Variants in SORCS1 observed in about 807,000 individuals in gnomAD.
The protein encoded by SORCS1 is sortilin related VPS10 domain containing receptor 1.
A neutral mutation model predicts 146.1 loss-of-function variants in SORCS1; 60 were observed. The ratio of observed to expected loss-of-function variants is 0.41; its 90% CI spans 0.33 to 0.51. SORCS1 has a LOEUF of 0.51. SORCS1 is among the 20% of genes least tolerant of loss of function. The pLI, the probability that SORCS1 is intolerant of heterozygous loss-of-function variation, is 0.21. For missense variants in SORCS1, 1,352 were observed against 1,487.6 expected (o/e 0.91, Z 1.50); for synonymous variants, 637 against 584.0 (o/e 1.09, Z -1.31).
the SORCS1 span, among the ~76,000 whole-genome samples, chr10:107,176,327 C>CTCTT: frequency 0.75 from 109,975 of 146,238 alleles, 42,173 homozygotes; most frequent in Middle Eastern, 0.86. Context: ...CTCTCTCTCT[C>CTCTT]TCTTTCTTTT....
chr10:106,613,755 C>T (rs577121636), intron 21 of SORCS1, among the ~76,000 whole-genome samples: 1 of 152,320 alleles, frequency 6.6e-6, no homozygotes, highest in Non-Finnish European at 1.5e-5. Flanking sequence ...CTTACCACAG[C>T]CTTCCTGGCC....
chr10:106,799,411 A>G (rs1216986946), intron 3 of SORCS1, among the ~76,000 whole-genome samples: 1 of 152,226 alleles, frequency 6.6e-6, no homozygotes, highest in Non-Finnish European at 1.5e-5. Context: ...GCTTCTGCAC[A>G]GCCAAAGAAA....
At chr10:107,035,262 CAAAAA>C (rs201009614) in intron 1 of SORCS1, among the ~76,000 whole-genome samples, 1 of 28,370 alleles carries the variant, frequency 3.5e-5, no homozygotes, top group Non-Finnish European at 7.5e-5. Flanking sequence ...AGTGAAGCTT[CAAAAA>C]AAAAAAAACA....
At chr10:107,082,943 A>G (rs1477926120) in intron 1 of SORCS1, among the ~76,000 whole-genome samples, 1 of 151,886 alleles carries the variant, frequency 6.6e-6, no homozygotes, top group Non-Finnish European at 1.5e-5. Flanking sequence ...CGTCTCTAGA[A>G]AAAATACAAA....
chr10:106,888,764 T>A (rs1329036091), intron 2 of SORCS1, among the ~76,000 whole-genome samples: 1 of 152,230 alleles, frequency 6.6e-6, no homozygotes, highest in Non-Finnish European at 1.5e-5. Flanking sequence ...TGAAATGGTA[T>A]CTTATATCCT....
chr10:106,857,592 C>A (rs972582399), intron 2 of SORCS1, among the ~76,000 whole-genome samples: 1 of 152,210 alleles, frequency 6.6e-6, no homozygotes, highest in African/African-American at 2.4e-5. Flanking sequence ...TTGGGTGCAT[C>A]ACAGACTCTG....
chr10:107,093,240 G>C (rs1292715250), intron 1 of SORCS1, among the ~76,000 whole-genome samples: 2 of 152,104 alleles, frequency 1.3e-5, no homozygotes. Flanking sequence ...CACTTCGATT[G>C]ACCGACAGTG....
chr10:106,675,205 AT>A, intron 13 of SORCS1, 49 bp from the exon 14 acceptor site: 1 of 1,396,706 alleles, frequency 7.2e-7, no homozygotes, highest in Non-Finnish European at 1.0e-6. Flanking sequence ...GGAAAAAAAA[AT>A]GTCATTTCAA....
chr10:106,670,855 A>C (rs1313084010), intron 16 of SORCS1, among the ~76,000 whole-genome samples: 1 of 151,912 alleles, frequency 6.6e-6, no homozygotes, highest in South Asian at 2.1e-4. Flanking sequence ...CACTATGCCC[A>C]GCTAATTTTT....
At chr10:107,148,372 A>C (rs549882826) in intron 1 of SORCS1, among the ~76,000 whole-genome samples, 1 of 152,366 alleles carries the variant, frequency 6.6e-6, no homozygotes, top group Admixed American at 6.5e-5. Flanking sequence ...AGCCATAGAC[A>C]ATATGTCAAT....
intron 12 of SORCS1, among the ~76,000 whole-genome samples, chr10:106,678,349 T>G (rs909978452): frequency 1.3e-5 from 2 of 152,200 alleles, no homozygotes; most frequent in Admixed American, 6.5e-5. Flanking sequence ...GAGTTTCTTA[T>G]GCAAATTTCT....
chr10:107,114,348 G>C (rs893455853), intron 1 of SORCS1, among the ~76,000 whole-genome samples: 2 of 152,078 alleles, frequency 1.3e-5, no homozygotes, highest in Non-Finnish European at 2.9e-5. Context: ...CAGAAACCTT[G>C]ATGAACAAAG....
chr10:106,784,591 C>T (rs1394151364), intron 3 of SORCS1, among the ~76,000 whole-genome samples: 2 of 152,126 alleles, frequency 1.3e-5, no homozygotes, highest in Non-Finnish European at 2.9e-5. Flanking sequence ...CATTACAAGT[C>T]CCAAAGTAAC....
chr10:107,019,542 TGAGA>T (rs1335443633), intron 1 of SORCS1, among the ~76,000 whole-genome samples: 1 of 152,218 alleles, frequency 6.6e-6, no homozygotes, highest in Non-Finnish European at 1.5e-5. Context: ...CAGGATCTGC[TGAGA>T]AAGAGAGAGC....
chr10:107,046,168 T>C (rs1959404584), intron 1 of SORCS1, among the ~76,000 whole-genome samples: 1 of 152,078 alleles, frequency 6.6e-6, no homozygotes, highest in Admixed American at 6.6e-5. Context: ...ATGGTCTCAA[T>C]CTCTTGAATT....
At chr10:106,964,708 G>A (rs962343326) in intron 1 of SORCS1, among the ~76,000 whole-genome samples, 3 of 151,870 alleles carry the variant, frequency 2.0e-5, no homozygotes, top group Admixed American at 6.6e-5. Context: ...GGATAGTTTC[G>A]ATCTCCTGAC....
intron 1 of SORCS1, among the ~76,000 whole-genome samples, chr10:107,026,106 G>A (rs1003509936): frequency 1.5e-4 from 23 of 152,164 alleles, no homozygotes; most frequent in African/African-American, 5.3e-4. Flanking sequence ...ATGGAGGTAA[G>A]GAATACATGA....
intron 19 of SORCS1, among the ~76,000 whole-genome samples, chr10:106,628,112 C>T (rs1210218313): frequency 6.6e-6 from 1 of 152,180 alleles, no homozygotes; most frequent in Non-Finnish European, 1.5e-5. Context: ...TCATGTGTAA[C>T]TTTGTCAGAC....
At chr10:106,950,945 C>T (rs892923073) in intron 2 of SORCS1, among the ~76,000 whole-genome samples, 9 of 152,020 alleles carry the variant, frequency 5.9e-5, no homozygotes, top group African/African-American at 1.9e-4. Context: ...TATCACTAAA[C>T]GAGCAAGGTG....
Sources: gnomAD v4.1 joint callset for allele counts (sites outside exome capture counted in the v4.1 genomes callset) on GRCh38, gnomAD v4.1.1 for gene constraint, MANE v1.5 for transcripts, NCBI Gene and HGNC (gene_info 2026-07-23, HGNC 2026-07-21) for gene names.